The following SYT17 variants were observed in gnomAD, a reference collection of about 807,000 sequenced individuals.
SYT17 encodes the protein synaptotagmin 17.
Under a neutral mutation model 46.7 loss-of-function variants are expected in SYT17, and 22 were observed. That is an observed-to-expected ratio of 0.47 (90% CI 0.34 to 0.67). The LOEUF (loss-of-function observed/expected upper bound fraction) is 0.67, where lower values mean the gene tolerates loss of function less well. SYT17 is among the 30% of genes least tolerant of loss of function. SYT17 has a pLI of 0.01. For synonymous variants in SYT17, 251 were observed against 248.4 expected (o/e 1.01, Z -0.10); for missense variants, 519 against 612.8 (o/e 0.85, Z 1.62).
intron 7 of SYT17, among the ~76,000 whole-genome samples, chr16:19,249,731 C>G (rs905822828): frequency 6.6e-6 from 1 of 152,100 alleles, no homozygotes; most frequent in Non-Finnish European, 1.5e-5. Context: ...GACCGTTGAA[C>G]CTTTGTTTGG....
chr16:19,227,336 T>TTTTTTTA (rs1966533566), intron 7 of SYT17, among the ~76,000 whole-genome samples: 1 of 151,506 alleles, frequency 6.6e-6, no homozygotes, highest in African/African-American at 2.4e-5. Context: ...TTTTTTTTTT[T>TTTTTTTA]GAGACAATCT....
Position 19,183,647 on chromosome 16 carries a change from G to T in SYT17, c.451G>T (p.Asp151Tyr), listed in dbSNP as rs371789759. ...PSVLRRTYNP[D>Y]DYFRKFEPHL... is the part of the protein sequence containing the mutation. The stretch of plus-strand genomic sequence containing the variant: ...GGTGCTCAGACGGACCTATAACCCC[G>T]ACGACTATTTCAGGAAGTTCGAACC... The change falls in exon 5 of 8, where the codon GAC becomes TAC. Residue 151 changes from aspartate (D) to tyrosine (Y), a missense_variant. Physicochemically the swap from Asp to Tyr is radical, Grantham distance 160 (BLOSUM62 -3). Transcript: ENST00000355377. The surrounding 1 kb of genome is among the most constrained non-coding windows in gnomAD (Gnocchi z 5.6). The T allele has an allele frequency of 3.3e-5, 54 of 1,613,962 alleles. No individual in the cohort carries two copies. The highest frequency in any genetic ancestry group is 4.2e-5 in the Non-Finnish European group (50 of 1,180,032).
chr16:19,192,416 G>T (rs1965061562), intron 5 of SYT17, among the ~76,000 whole-genome samples: 1 of 151,310 alleles, frequency 6.6e-6, no homozygotes, highest in South Asian at 2.1e-4. Context: ...GCGAGACCCT[G>T]TCTCATAGAA....
chr16:19,266,873 T>G lies in SYT17; in HGVS notation c.1229-7T>G. 2 of 1,611,382 alleles carry G rather than the reference T, an allele frequency of 1.2e-6. No individual in the cohort carries two copies. The highest frequency in any genetic ancestry group is 1.7e-6 in the Non-Finnish European group (2 of 1,178,710). On this transcript the variant is annotated splice_region_variant and splice_polypyrimidine_tract_variant and intron_variant, in intron 7 of 7. Coordinates refer to ENST00000355377, the MANE Select transcript of SYT17 (RefSeq NM_016524.4). Reference sequence around the variant, plus strand: ...TCCCTCCTGCCCTCAACCCTCTGGCTCCCTAGTTTTCGGCCACAACATGAA... The same window carrying G: ...TCCCTCCTGCCCTCAACCCTCTGGCGCCCTAGTTTTCGGCCACAACATGAA...
At chr16:19,247,160 T>C (rs1040815513) in intron 7 of SYT17, among the ~76,000 whole-genome samples, 1 of 152,174 alleles carries the variant, frequency 6.6e-6, no homozygotes, top group Admixed American at 6.5e-5. Flanking sequence ...ATCAAGTGAT[T>C]GAGGTGGAGA....
chr16:19,211,615 C>T (rs966746924), intron 5 of SYT17, among the ~76,000 whole-genome samples: 11 of 147,900 alleles, frequency 7.4e-5, no homozygotes, highest in Admixed American at 6.8e-5. Flanking sequence ...GGGGCAGGTA[C>T]GATCTTGTAT....
Position 19,224,759 on chromosome 16 carries a change from A to G in SYT17, c.1149A>G (p.Thr383=). ...AGAAGACGTCCTTCTTAAGGGGCACAATTGATCCTTTCTACAATGAATCCT... is the reference window on the plus strand; with the variant it reads ...AGAAGACGTCCTTCTTAAGGGGCACGATTGATCCTTTCTACAATGAATCCT... ...KTKKTSFLRG[T]IDPFYNESFS... The change falls in exon 7 of 8, where the codon ACA becomes ACG. Residue 383 remains threonine (T), a synonymous_variant. Coordinates refer to ENST00000355377, the MANE Select transcript of SYT17 (RefSeq NM_016524.4). 2 of 1,614,148 alleles carry G rather than the reference A, an allele frequency of 1.2e-6. No individual in the cohort carries two copies. Among genetic ancestry groups the G allele is most frequent in the Non-Finnish European group, 1.7e-6 (2 of 1,180,000 alleles).
At chr16:19,181,475 G>GA (rs11456370) in intron 4 of SYT17, among the ~76,000 whole-genome samples, 96,706 of 150,854 alleles carry the variant, frequency 0.64, 32,321 homozygotes, top group African/African-American at 0.85. Context: ...GAAAAAAGTA[G>GA]AAAAAAAAAG....
In SYT17 at chr16:19,267,143, C is replaced by T. The variant is rs1969425082; in HGVS notation, c.*67C>T. ...AAAAAAGACGGAAAAAAATGTGTCA[C>T]ATACTATTACATCCACACCTGCATA... On this transcript the variant is annotated 3_prime_UTR_variant, in exon 8 of 8. Transcript: ENST00000355377. 7.3e-7 allele frequency: 1 copy of T among 1,374,960 alleles called. No individual in the cohort carries two copies. The highest frequency in any genetic ancestry group is 1.5e-5 in the South Asian group (1 of 68,586). 85.2% of individuals were successfully genotyped at this position (1,374,960 alleles called of 1,614,324 possible). A position where few individuals can be genotyped will look rare whatever the true frequency, so the allele number is the denominator to read the frequency against.
chr16:19,230,935 T>C (rs1966657617), intron 7 of SYT17, among the ~76,000 whole-genome samples: 1 of 152,136 alleles, frequency 6.6e-6, no homozygotes, highest in Non-Finnish European at 1.5e-5. Context: ...TTGAAAGACA[T>C]CCAATTTATG....
At chr16:19,179,284 T>C (rs7198291) in intron 3 of SYT17, among the ~76,000 whole-genome samples, 7,465 of 152,176 alleles carry the variant, frequency 0.049, 630 homozygotes, top group African/African-American at 0.17. Flanking sequence ...CAGACCACCA[T>C]GCCCAGCTAA....
intron 7 of SYT17, among the ~76,000 whole-genome samples, chr16:19,238,503 T>C (rs1025930593): frequency 6.6e-6 from 1 of 152,228 alleles, no homozygotes; most frequent in African/African-American, 2.4e-5. Flanking sequence ...GCTCCTTGAA[T>C]CTGCCAACAT....
At chr16:19,231,523 C>CAAAAA (rs143448107) in intron 7 of SYT17, among the ~76,000 whole-genome samples, 443 of 44,094 alleles carry the variant, frequency 0.01, no homozygotes, top group Non-Finnish European at 0.013. Context: ...AACTCCATCA[C>CAAAAA]AAAAAAAAAA....
chr16:19,190,146 T>A (rs1964954237), intron 5 of SYT17, among the ~76,000 whole-genome samples: 1 of 152,214 alleles, frequency 6.6e-6, no homozygotes, highest in Non-Finnish European at 1.5e-5. Context: ...GCCATTGAAA[T>A]CTGTGTAGGC....
intron 3 of SYT17, among the ~76,000 whole-genome samples, chr16:19,176,357 C>T (rs1270114321): frequency 6.6e-6 from 1 of 152,204 alleles, no homozygotes; most frequent in Non-Finnish European, 1.5e-5. Flanking sequence ...TGCCAGTTAC[C>T]TGCCCACCCA....
intron 7 of SYT17, chr16:19,250,046 A>T (rs1351795333): frequency 5.9e-6 from 9 of 1,535,198 alleles, no homozygotes; most frequent in Non-Finnish European, 7.8e-6. Flanking sequence ...GGCATAAAGA[A>T]GCAAGTAAAG....
chr16:19,236,228 C>T (rs1250948726), intron 7 of SYT17, among the ~76,000 whole-genome samples: 1 of 152,224 alleles, frequency 6.6e-6, no homozygotes, highest in African/African-American at 2.4e-5. Context: ...AGTTGCTTTA[C>T]CACGCTGAAC....
intron 7 of SYT17, among the ~76,000 whole-genome samples, chr16:19,242,228 A>C (rs1007136736): frequency 3.3e-5 from 5 of 152,246 alleles, no homozygotes; most frequent in African/African-American, 1.2e-4. Flanking sequence ...ATAAATGATA[A>C]ATAAACGAAC....
intron 7 of SYT17, among the ~76,000 whole-genome samples, chr16:19,225,168 T>G (rs1283291017): frequency 1.3e-5 from 2 of 152,206 alleles, no homozygotes; most frequent in Non-Finnish European, 2.9e-5. Context: ...AGGTTTGTTG[T>G]GAACAGTAAA....
Sources: allele counts gnomAD v4.1 joint callset (sites outside exome capture counted in the v4.1 genomes callset), GRCh38; gene constraint gnomAD v4.1.1; non-coding constraint Gnocchi (gnomAD v3.1); transcripts MANE v1.5; gene names NCBI Gene and HGNC (gene_info 2026-07-23, HGNC 2026-07-21).